AGBL1: variants seen among roughly 807,000 people sequenced by gnomAD.
The protein encoded by AGBL1 is cytosolic carboxypeptidase 4.
AGBL1 carries 130 observed loss-of-function variants against 118.9 expected under a neutral mutation model. The ratio of observed to expected loss-of-function variants is 1.09; its 90% CI spans 0.95 to 1.26. The LOEUF (loss-of-function observed/expected upper bound fraction) is 1.26, where lower values mean the gene tolerates loss of function less well. Among genes scored for constraint, AGBL1 ranks in the 50% most tolerant of loss-of-function variants. AGBL1 has a pLI of 0.00. For missense variants in AGBL1, 1,584 were observed against 1,298.1 expected (o/e 1.22, Z -3.38); for synonymous variants, 555 against 478.9 (o/e 1.16, Z -2.08).
intron 6 of AGBL1, among the ~76,000 whole-genome samples, chr15:86,229,534 A>G (rs775606301): frequency 1.3e-5 from 2 of 152,102 alleles, no homozygotes. Flanking sequence ...GCCAAACCAT[A>G]TCACCCTTTC....
intron 17 of AGBL1, among the ~76,000 whole-genome samples, chr15:86,391,655 T>G (rs1327430628): frequency 6.9e-6 from 1 of 144,698 alleles, no homozygotes; most frequent in Non-Finnish European, 1.5e-5. Flanking sequence ...TTTTTTTTTT[T>G]TTTTTTTTTT....
At chr15:86,785,489 C>G (rs2078398072) in intron 22 of AGBL1, among the ~76,000 whole-genome samples, 1 of 151,498 alleles carries the variant, frequency 6.6e-6, no homozygotes, top group African/African-American at 2.4e-5. Flanking sequence ...ATCCTCCTGC[C>G]TCAGCCTCCC....
intron 18 of AGBL1, among the ~76,000 whole-genome samples, chr15:86,437,105 G>A (rs1249727987): frequency 6.6e-6 from 1 of 152,050 alleles, no homozygotes. Flanking sequence ...AGAGAGAGTG[G>A]TTTTTATAAT....
intron 24 of AGBL1, among the ~76,000 whole-genome samples, chr15:87,021,395 G>A (rs67820930): frequency 0.38 from 57,922 of 151,916 alleles, 11,536 homozygotes; most frequent in East Asian, 0.51. Flanking sequence ...TAAAAACCCT[G>A]AAAGAAAATC....
At chr15:86,748,282 G>C (rs2077788260) in intron 22 of AGBL1, among the ~76,000 whole-genome samples, 1 of 152,000 alleles carries the variant, frequency 6.6e-6, no homozygotes, top group South Asian at 2.1e-4. Flanking sequence ...GTCTTCTTTT[G>C]AGAAGTGTCT....
rs139328093 is a variant in AGBL1, at chr15:86,669,155, TAC to T, written c.2995-5115_2995-5114del. Among the ~76,000 whole-genome samples, 409 of 152,278 alleles carry T rather than the reference TAC, an allele frequency of 2.7e-3. 20 individuals carry two copies. In the East Asian group the frequency reaches 0.062, roughly 23 times the overall value. ...TATAAAATAATTGAGCAAACAGGAC[TAC>T]ACTACTGACACTCAACAGAAAAATC... On this transcript the variant is annotated intron_variant, in intron 21 of 22. Transcript: ENST00000614907.
chr15:86,723,983 C>T lies in AGBL1; in HGVS notation c.3158+49547C>T, dbSNP rs374489031. ...GGGCGCAGTGGCTCAAGCCTGTAAT[C>T]CCAGCACTTTGGGAGGCCGAGGTGG... On this transcript the variant is annotated intron_variant, in intron 22 of 22. Coordinates refer to ENST00000614907, the MANE Select transcript of AGBL1 (RefSeq NM_001386094.1). Among the ~76,000 whole-genome samples, 14 of 152,182 alleles carry T rather than the reference C, an allele frequency of 9.2e-5. No homozygotes were observed. The East Asian group carries it at 1.9e-3, about 21-fold the overall frequency.
At chr15:86,113,329 C>A (rs535856167) in intron 1 of AGBL1, among the ~76,000 whole-genome samples, 1 of 140,288 alleles carries the variant, frequency 7.1e-6, no homozygotes, top group Non-Finnish European at 1.5e-5. Context: ...ACTCTGTTGC[C>A]CAGGCTGGAG....
At chr15:86,453,565 G>T (rs1482682669) in intron 18 of AGBL1, among the ~76,000 whole-genome samples, 1 of 152,176 alleles carries the variant, frequency 6.6e-6, no homozygotes, top group Non-Finnish European at 1.5e-5. Flanking sequence ...ATTTATCCAG[G>T]ATTGCCTGAA....
intron 22 of AGBL1, among the ~76,000 whole-genome samples, chr15:86,830,525 A>G (rs748312752): frequency 2.6e-5 from 4 of 152,090 alleles, no homozygotes; most frequent in Admixed American, 6.5e-5. Flanking sequence ...TGTTGGTGCA[A>G]TCAGTCCATG....
chr15:86,224,502 C>G (rs2078328307), intron 5 of AGBL1, among the ~76,000 whole-genome samples: 1 of 152,134 alleles, frequency 6.6e-6, no homozygotes, highest in African/African-American at 2.4e-5. Flanking sequence ...CTGCTACATT[C>G]ACTAAGCCCC....
At chr15:86,819,022 T>C (rs960952697) in intron 22 of AGBL1, among the ~76,000 whole-genome samples, 2 of 152,114 alleles carry the variant, frequency 1.3e-5, no homozygotes. Flanking sequence ...TTGTTGTTTA[T>C]GCCTTTACCA....
chr15:86,181,538 G>A (rs1317128717), intron 5 of AGBL1, among the ~76,000 whole-genome samples: 1 of 151,828 alleles, frequency 6.6e-6, no homozygotes, highest in Non-Finnish European at 1.5e-5. Context: ...GTAGGAGGGA[G>A]GGATTATAAA....
chr15:86,425,857 G>A (rs1156461466), intron 18 of AGBL1, among the ~76,000 whole-genome samples: 4 of 152,120 alleles, frequency 2.6e-5, no homozygotes, highest in Non-Finnish European at 5.9e-5. Flanking sequence ...CTACTCATCT[G>A]TATAATCTTT....
At chr15:86,462,464 C>G (rs559866361) in intron 18 of AGBL1, among the ~76,000 whole-genome samples, 16 of 152,022 alleles carry the variant, frequency 1.1e-4, no homozygotes, top group Admixed American at 2.0e-4. Context: ...ACTTTTACTT[C>G]TGGGATACAC....
intron 21 of AGBL1, among the ~76,000 whole-genome samples, chr15:86,645,626 A>G (rs2142480332): frequency 6.6e-6 from 1 of 152,242 alleles, no homozygotes; most frequent in African/African-American, 2.4e-5. Context: ...CTGACAGTTG[A>G]GAAAGGTAAA....
chr15:86,721,470 C>G (rs929097402), intron 22 of AGBL1, among the ~76,000 whole-genome samples: 17 of 152,164 alleles, frequency 1.1e-4, no homozygotes, highest in Non-Finnish European at 2.4e-4. Context: ...TAAAAACTCT[C>G]AATAAATTAG....
chr15:86,330,968 G>C (rs1258927285), intron 17 of AGBL1, among the ~76,000 whole-genome samples: 1 of 152,278 alleles, frequency 6.6e-6, no homozygotes, highest in Non-Finnish European at 1.5e-5. Flanking sequence ...GCTCATGTCT[G>C]TAATCCTGGC....
chr15:86,920,543 A>T (rs1389942213), downstream of AGBL1, among the ~76,000 whole-genome samples: 1 of 152,144 alleles, frequency 6.6e-6, no homozygotes, highest in Non-Finnish European at 1.5e-5. Context: ...GGCAGATTTC[A>T]TTGGGTTTAT....
Sources: gnomAD v4.1 joint callset for allele counts (sites outside exome capture counted in the v4.1 genomes callset) on GRCh38, gnomAD v4.1.1 for gene constraint, MANE v1.5 for transcripts, NCBI Gene and HGNC (gene_info 2026-07-23, HGNC 2026-07-21) for gene names.